MBOAT1: variants seen among roughly 807,000 people sequenced by gnomAD.
MBOAT1 encodes membrane bound glycerophospholipid O-acyltransferase 1, also known as membrane-bound glycerophospholipid O-acyltransferase 1.
MBOAT1 carries 67 observed loss-of-function variants against 64.4 expected under a neutral mutation model. The observed-to-expected ratio is 1.04, with a 90% CI of 0.85 to 1.27. MBOAT1 has a LOEUF of 1.27. Among genes scored for constraint, MBOAT1 ranks in the 50% most tolerant of loss-of-function variants. The pLI is 0.00. For missense variants in MBOAT1, 563 were observed against 604.6 expected, an observed-to-expected ratio of 0.93 and a Z score of 0.72; for synonymous variants, 229 against 218.9, an observed-to-expected ratio of 1.05 and a Z score of -0.41.
chr6:20,209,027 A>G (rs571462860), intron 1 of MBOAT1, among the ~76,000 whole-genome samples: 1 of 152,334 alleles, frequency 6.6e-6, no homozygotes, highest in South Asian at 2.1e-4. Context: ...AGTGAGGAGG[A>G]CAGGAGCAGA....
chr6:20,196,656 T>C (rs527881460), intron 1 of MBOAT1, among the ~76,000 whole-genome samples: 32 of 151,860 alleles, frequency 2.1e-4, no homozygotes, highest in African/African-American at 7.5e-4. Context: ...AGGTCAGGAG[T>C]TCGAGACCAG....
chr6:20,103,122 C>G (rs1312906822), intron 12 of MBOAT1, among the ~76,000 whole-genome samples: 1 of 152,166 alleles, frequency 6.6e-6, no homozygotes, highest in African/African-American at 2.4e-5. Flanking sequence ...AACTGTAAAA[C>G]AGCCTCAGGC....
chr6:20,132,338 T>A (rs975130289), intron 4 of MBOAT1, among the ~76,000 whole-genome samples: 1 of 152,182 alleles, frequency 6.6e-6, no homozygotes, highest in African/African-American at 2.4e-5. Flanking sequence ...CTTTGTTCTA[T>A]AAAAGGCATA....
intron 12 of MBOAT1, among the ~76,000 whole-genome samples, chr6:20,106,793 G>A (rs1242956099): frequency 1.3e-5 from 2 of 152,090 alleles, no homozygotes; most frequent in Non-Finnish European, 2.9e-5. Context: ...CTAGAAACCA[G>A]AAAATATCCT....
At chr6:20,164,784 A>G (rs1761969216) in intron 1 of MBOAT1, among the ~76,000 whole-genome samples, 1 of 152,152 alleles carries the variant, frequency 6.6e-6, no homozygotes, top group Non-Finnish European at 1.5e-5. Flanking sequence ...CTTATTTATG[A>G]TGGTTCGACT....
Position 20,144,424 on chromosome 6 carries a change from T to C in MBOAT1, c.324-109A>G, listed in dbSNP as rs990435963. On this transcript the variant is annotated intron_variant, in intron 3 of 12. Transcript: ENST00000324607. ...CCTTCACGTGCAGTTGGTCACAATG[T>C]CCTATCTGGTCTGACGACATCCCAG... 5 of 736,874 alleles carry C rather than the reference T, an allele frequency of 6.8e-6. No homozygotes were observed. In the Admixed American group the frequency reaches 1.1e-4, roughly 17 times the overall value. The allele number at this position is 736,874 out of a possible 1,614,324, so 45.6% of individuals were successfully genotyped here. A position where few individuals can be genotyped will look rare whatever the true frequency, so the allele number is the denominator to read the frequency against.
chr6:20,155,562 T>G (rs892611625), intron 1 of MBOAT1, among the ~76,000 whole-genome samples: 24 of 152,254 alleles, frequency 1.6e-4, no homozygotes, highest in African/African-American at 5.1e-4. Flanking sequence ...TAATGGTCTC[T>G]GATTCTATAT....
At chr6:20,180,878 AT>A (rs1762489544) in intron 1 of MBOAT1, among the ~76,000 whole-genome samples, 1 of 152,224 alleles carries the variant, frequency 6.6e-6, no homozygotes, top group Non-Finnish European at 1.5e-5. Flanking sequence ...ATGTTTTCCA[AT>A]TGGAGACCTA....
intron 1 of MBOAT1, among the ~76,000 whole-genome samples, chr6:20,173,956 A>C (rs781021835): frequency 3.9e-5 from 6 of 152,182 alleles, no homozygotes; most frequent in Non-Finnish European, 5.9e-5. Flanking sequence ...TCTCAAATAA[A>C]GTACAAAGAA....
rs1308805752 is a variant in MBOAT1 at position 20,174,717 on chromosome 6, C to T, written c.100-21948G>A. 3.9e-5 allele frequency among the ~76,000 whole-genome samples: 6 copies of T among 152,296 alleles called. No homozygotes were observed. The East Asian group carries it at 1.2e-3, about 29-fold the overall frequency. ...TAGGAATTTTTCAGCTCCATTGTAA[C>T]CTTATGGGACAACTATAGAATACAT... On this transcript the variant is annotated intron_variant, in intron 1 of 12. Transcript: ENST00000324607.
chr6:20,198,238 AAAAAG>A (rs1763014886), intron 1 of MBOAT1, among the ~76,000 whole-genome samples: 3 of 152,158 alleles, frequency 2.0e-5, no homozygotes, highest in African/African-American at 7.2e-5. Context: ...AAAAAAAAAA[AAAAAG>A]AAAGAAAGAA....
chr6:20,200,646 T>C (rs1393960524), intron 1 of MBOAT1, among the ~76,000 whole-genome samples: 1 of 152,156 alleles, frequency 6.6e-6, no homozygotes, highest in East Asian at 1.9e-4. Flanking sequence ...CCCCAGCTCA[T>C]TGCTCTTCCC....
intron 1 of MBOAT1, among the ~76,000 whole-genome samples, chr6:20,176,664 C>T (rs558923515): frequency 6.6e-6 from 1 of 152,276 alleles, no homozygotes; most frequent in African/African-American, 2.4e-5. Context: ...CACTCTGTCG[C>T]CCAGGCTGGA....
At chr6:20,204,434 C>T (rs967470100) in intron 1 of MBOAT1, among the ~76,000 whole-genome samples, 2 of 152,180 alleles carry the variant, frequency 1.3e-5, no homozygotes, top group African/African-American at 4.8e-5. Flanking sequence ...TGGAAAGATG[C>T]CTCTCAGAGT....
At chr6:20,118,586 A>G in intron 8 of MBOAT1, 46 bp from the exon 9 acceptor site, 6 of 1,453,430 alleles carry the variant, frequency 4.1e-6, no homozygotes, top group Admixed American at 1.7e-5. Context: ...CAAAAGTCAC[A>G]TTGCTGCTTT....
chr6:20,161,762 C>T (rs901310863), intron 1 of MBOAT1, among the ~76,000 whole-genome samples: 4 of 152,096 alleles, frequency 2.6e-5, no homozygotes, highest in Non-Finnish European at 5.9e-5. Flanking sequence ...TGGTATATTC[C>T]CCTGCTTCAC....
chr6:20,121,460 TG>T (rs777190541), intron 8 of MBOAT1, among the ~76,000 whole-genome samples: 2 of 151,838 alleles, frequency 1.3e-5, no homozygotes, highest in Non-Finnish European at 2.9e-5. Context: ...AAGGGAAGCA[TG>T]GGGGGGAGTA....
At chr6:20,168,917 G>T (rs1025613115) in intron 1 of MBOAT1, among the ~76,000 whole-genome samples, 14 of 126,164 alleles carry the variant, frequency 1.1e-4, no homozygotes, top group Admixed American at 5.5e-4. Flanking sequence ...TTTCCCAATG[G>T]GTAAAATAAA....
chr6:20,103,553 T>G (rs1198290297), intron 12 of MBOAT1, among the ~76,000 whole-genome samples: 1 of 152,108 alleles, frequency 6.6e-6, no homozygotes, highest in African/African-American at 2.4e-5. Context: ...TGCCTCAGCC[T>G]TCCAAGTAGC....
Sources: gnomAD v4.1 joint callset for allele counts (sites outside exome capture counted in the v4.1 genomes callset) on GRCh38, gnomAD v4.1.1 for gene constraint, MANE v1.5 for transcripts, NCBI Gene and HGNC (gene_info 2026-07-23, HGNC 2026-07-21) for gene names.